Variants in GPN3 observed in about 807,000 individuals in gnomAD.
The protein encoded by GPN3 is ATP-binding domain 1 family member C.
Under a neutral mutation model 38.7 loss-of-function variants are expected in GPN3, and 31 were observed. That is an observed-to-expected ratio of 0.80 (90% CI 0.60 to 1.08). The LOEUF (loss-of-function observed/expected upper bound fraction) is 1.08, where lower values mean the gene tolerates loss of function less well. Ranked by LOEUF, GPN3 falls within the 50% of genes least tolerant of loss-of-function variation. GPN3 has a pLI of 0.00. For synonymous variants in GPN3, 116 were observed against 120.2 expected, an observed-to-expected ratio of 0.96 and a Z score of 0.23; for missense variants, 301 against 354.4, an observed-to-expected ratio of 0.85 and a Z score of 1.21.
rs2062524455 is a variant in GPN3 at position 110,453,082 on chromosome 12, C to G, written c.807G>C (p.Glu269Asp). ...EFKEPKERED[E>D]SSSMFDEYFQ... ...AATATTCGTCAAACATAGAGGAAGA[C>G]TCATCTTCACGTTCCTGACACAATG... Residue 269 changes from glutamate (E) to aspartate (D), a missense_variant, in exon 8 of 8, where the codon GAG (glutamate) becomes GAC (aspartate). Transcript: ENST00000228827. 6.9e-7 allele frequency: 1 copy of G among 1,444,040 alleles called. No individual in the cohort carries two copies. Among genetic ancestry groups the G allele is most frequent in the African/African-American group, 1.4e-5 (1 of 71,550 alleles). 89.5% of individuals were successfully genotyped at this position (1,444,040 alleles called of 1,614,324 possible). A position where few individuals can be genotyped will look rare whatever the true frequency, so the allele number is the denominator to read the frequency against.
At chr12:110,456,804 C>T (rs2062553409) in intron 4 of GPN3, among the ~76,000 whole-genome samples, 1 of 151,486 alleles carries the variant, frequency 6.6e-6, no homozygotes, top group African/African-American at 2.4e-5. Context: ...CTCAAGCGAT[C>T]CTCCCACTTC....
upstream of GPN3, chr12:110,468,385 AAG>A: frequency 6.6e-7 from 1 of 1,523,268 alleles, no homozygotes; most frequent in Non-Finnish European, 8.8e-7. Flanking sequence ...CCTGAGAAAA[AAG>A]GGGAGGGGCG....
In GPN3 at chr12:110,459,620, C is replaced by T. The variant is rs576087951; in HGVS notation, c.325+75G>A. 2.5e-4 allele frequency: 247 copies of T among 970,360 alleles called. 2 individuals are homozygous for T. The South Asian group carries it at 2.9e-3, about 11-fold the overall frequency. The allele number at this position is 970,360 out of a possible 1,614,324, so 60.1% of individuals were successfully genotyped here. ...AGTATAGTTTAGAGCTACAAATACTCACTCTCCTTTCTCCTACTAAGGATG... is the reference window on the plus strand; with the variant it reads ...AGTATAGTTTAGAGCTACAAATACTTACTCTCCTTTCTCCTACTAAGGATG... On this transcript the variant is annotated intron_variant, in intron 3 of 7. Coordinates refer to ENST00000228827, the MANE Select transcript of GPN3 (RefSeq NM_016301.4).
In GPN3 at chr12:110,468,151, C is replaced by T; in HGVS notation, c.48+5G>A. The T allele has an allele frequency of 1.2e-6, 2 of 1,613,900 alleles. No individual in the cohort carries two copies. Reference sequence around the variant, plus strand: ...TTTTCTCTCCTTGTCCCCGCAGATCCTCACCTTCCCGCTGCCCGCGGGGCC... The same window carrying T: ...TTTTCTCTCCTTGTCCCCGCAGATCTTCACCTTCCCGCTGCCCGCGGGGCC... On this transcript the variant is annotated splice_donor_5th_base_variant and intron_variant, in intron 1 of 7. Coordinates refer to ENST00000228827, the MANE Select transcript of GPN3 (RefSeq NM_016301.4).
intron 2 of GPN3, among the ~76,000 whole-genome samples, chr12:110,460,074 T>C (rs2062576432): frequency 6.6e-6 from 1 of 152,166 alleles, no homozygotes; most frequent in Non-Finnish European, 1.5e-5. Flanking sequence ...TACACAGCCA[T>C]AAATGGGGAA....
chr12:110,466,050 C>T (rs982381313), intron 1 of GPN3, among the ~76,000 whole-genome samples: 4 of 151,412 alleles, frequency 2.6e-5, no homozygotes, highest in African/African-American at 9.7e-5. Context: ...GCACTCTAGC[C>T]TGGATGACAG....
At chr12:110,465,057 C>A (rs1256360077) in intron 2 of GPN3, 49 bp downstream of exon 2, 1 of 952,416 alleles carries the variant, frequency 1.0e-6, no homozygotes, top group Non-Finnish European at 1.7e-6. Context: ...ACTGCCTCCC[C>A]AGCCCTTACT....
At chr12:110,457,179 G>A (rs1193211330) in intron 4 of GPN3, among the ~76,000 whole-genome samples, 2 of 151,410 alleles carry the variant, frequency 1.3e-5, no homozygotes, top group Non-Finnish European at 2.9e-5. Context: ...TGAACTCATA[G>A]TTTAAAAATC....
At position 110,455,958 on chromosome 12, in the gene GPN3, T is replaced by G. The variant is rs150244863; in HGVS notation, c.451-28A>C. On this transcript the variant is annotated intron_variant, in intron 4 of 7. Transcript: ENST00000228827. Reference sequence around the variant, plus strand: ...GAAGGAGGAAACAGAAAAGGGAAGATGAACTGACTGTTGCCAACAGTTACC... The same window carrying G: ...GAAGGAGGAAACAGAAAAGGGAAGAGGAACTGACTGTTGCCAACAGTTACC... The G allele has an allele frequency of 7.8e-3, 9,176 of 1,169,050 alleles. 45 individuals carry two copies. The highest frequency in any genetic ancestry group is 8.8e-3 in the Non-Finnish European group (6,838 of 775,222). The allele number at this position is 1,169,050 out of a possible 1,614,324, so 72.4% of individuals were successfully genotyped here.
chr12:110,465,801 G>A (rs2062623218), intron 1 of GPN3, among the ~76,000 whole-genome samples: 1 of 152,172 alleles, frequency 6.6e-6, no homozygotes, highest in Non-Finnish European at 1.5e-5. Flanking sequence ...CTCGGGCTGG[G>A]TGCAGTGGCT....
intron 2 of GPN3, chr12:110,461,059 A>C: frequency 6.3e-7 from 1 of 1,581,176 alleles, no homozygotes; most frequent in Non-Finnish European, 8.7e-7. Flanking sequence ...TAACCCGAGA[A>C]TACACCATCA....
chr12:110,468,328 C>G, upstream of GPN3: 1 of 1,563,606 alleles, frequency 6.4e-7, no homozygotes, highest in Non-Finnish European at 8.6e-7. Flanking sequence ...TCTACCACAC[C>G]TCCTACTACG....
chr12:110,456,832 G>A (rs1211674795), intron 4 of GPN3, among the ~76,000 whole-genome samples: 2 of 151,740 alleles, frequency 1.3e-5, no homozygotes, highest in Admixed American at 6.6e-5. Context: ...CAAGTAGCTG[G>A]GACTACAGGC....
chr12:110,457,408 C>G, intron 4 of GPN3, 102 bp downstream of exon 4: 1 of 977,176 alleles, frequency 1.0e-6, no homozygotes, highest in Non-Finnish European at 1.4e-6. Context: ...GCTGAGATCA[C>G]GCCACTGCGC....
chr12:110,465,124 TGA>T lies in GPN3; in HGVS notation c.137_138del (p.Phe46Ter). ...GACTTACCAGCCATCACGGAGTAGT[TGA>T]AGTGTTCTGCTGCTGGATCCAGGTT... ...VVNLDPAAEHFNYSVMADIRE... is the reference protein window; with the variant it reads ...VVNLDPAAEHXNYSVMADIRE... On this transcript the variant is annotated frameshift_variant, in exon 2 of 8. Transcript: ENST00000228827. LOFTEE classifies it high-confidence loss of function. 2 of 1,594,100 alleles carry T rather than the reference TGA, an allele frequency of 1.3e-6. No individual in the cohort carries two copies. Among genetic ancestry groups the T allele is most frequent in the South Asian group, 2.2e-5 (2 of 90,660 alleles).
chr12:110,453,662 C>A (rs533635094), intron 7 of GPN3, 81 bp downstream of exon 7: 20 of 1,092,348 alleles, frequency 1.8e-5, no homozygotes, highest in Non-Finnish European at 2.8e-5. Context: ...TTTAAGGAGT[C>A]GCCTGGATTA....
intron 6 of GPN3, 26 bp from the exon 7 acceptor site, chr12:110,453,897 G>A: frequency 6.3e-7 from 1 of 1,580,448 alleles, no homozygotes; most frequent in Non-Finnish European, 8.6e-7. Context: ...TTCAAGAAAA[G>A]TTCATTCTGA....
rs535830182 is a variant in GPN3 at position 110,455,691 on chromosome 12, G to T, written c.567-9C>A. 6.1e-6 allele frequency: 7 copies of T among 1,149,124 alleles called. No individual in the cohort carries two copies. The highest frequency in any genetic ancestry group is 3.1e-5 in the African/African-American group (2 of 65,512). 71.2% of individuals were successfully genotyped at this position (1,149,124 alleles called of 1,614,324 possible). ...TGTCTGGATCTAAAAATCTTTAAAAGACAGAAAGACTGATGAATTCAGGAG... is the reference window on the plus strand; with the variant it reads ...TGTCTGGATCTAAAAATCTTTAAAATACAGAAAGACTGATGAATTCAGGAG... On this transcript the variant is annotated splice_polypyrimidine_tract_variant and intron_variant, in intron 5 of 7. Transcript: ENST00000228827.
At chr12:110,460,474 C>T (rs2062578931) in intron 2 of GPN3, among the ~76,000 whole-genome samples, 1 of 152,164 alleles carries the variant, frequency 6.6e-6, no homozygotes, top group Admixed American at 6.5e-5. Context: ...GAAACTATTT[C>T]ACCTCCTTGA....
Sources: gnomAD v4.1 joint callset for allele counts (sites outside exome capture counted in the v4.1 genomes callset) on GRCh38, gnomAD v4.1.1 for gene constraint, MANE v1.5 for transcripts, NCBI Gene and HGNC (gene_info 2026-07-23, HGNC 2026-07-21) for gene names.